The following GLIS3 variants were observed in gnomAD, a reference collection of about 807,000 sequenced individuals.
GLIS3 encodes zinc finger protein GLIS3.
A neutral mutation model predicts 78.6 loss-of-function variants in GLIS3; 53 were observed. The observed-to-expected ratio is 0.67, with a 90% CI of 0.54 to 0.85. GLIS3 has a LOEUF of 0.85. Ranked by LOEUF, GLIS3 falls within the 40% of genes least tolerant of loss-of-function variation. GLIS3 has a pLI of 0.00. For synonymous variants in GLIS3, 684 were observed against 509.9 expected (o/e 1.34, Z -4.60); for missense variants, 1,703 against 1,231.1 (o/e 1.38, Z -5.74).
intron 6 of GLIS3, among the ~76,000 whole-genome samples, chr9:3,903,055 G>C (rs1217126383): frequency 6.6e-6 from 1 of 152,166 alleles, no homozygotes; most frequent in East Asian, 1.9e-4. Flanking sequence ...ATGTTTTGTA[G>C]CTTGTTGTCA....
intron 2 of GLIS3, among the ~76,000 whole-genome samples, chr9:4,176,231 C>T (rs1284481416): frequency 6.6e-6 from 1 of 152,172 alleles, no homozygotes; most frequent in Non-Finnish European, 1.5e-5. Context: ...ACAAAAGTAA[C>T]ACACATACAA....
chr9:3,912,744 A>C (rs1824236598), intron 6 of GLIS3, among the ~76,000 whole-genome samples: 1 of 152,360 alleles, frequency 6.6e-6, no homozygotes, highest in East Asian at 1.9e-4. Flanking sequence ...TCTTAAAAGC[A>C]GAAGACTAAA....
rs558190032 is a variant in GLIS3 at position 4,167,786 on chromosome 9, A to G, written c.389-41845T>C. 2.3e-4 allele frequency among the ~76,000 whole-genome samples: 35 copies of G among 152,224 alleles called. 1 individual carries two copies. The highest frequency in any genetic ancestry group is 1.4e-3 in the Admixed American group (21 of 15,294). On this transcript the variant is annotated intron_variant, in intron 2 of 10. Coordinates refer to ENST00000381971, the MANE Select transcript of GLIS3 (RefSeq NM_001042413.2). Reference sequence around the variant, plus strand: ...TTCTGCAAATCCAACAGTAATACTTATTTTCTAACAGAGGGACTGACTGGT... The same window carrying G: ...TTCTGCAAATCCAACAGTAATACTTGTTTTCTAACAGAGGGACTGACTGGT...
At chr9:3,846,664 G>C (rs1008770125) in intron 9 of GLIS3, among the ~76,000 whole-genome samples, 3 of 152,106 alleles carry the variant, frequency 2.0e-5, no homozygotes, top group Non-Finnish European at 2.9e-5. Context: ...GGTATCTATG[G>C]GCACTGTGAA....
intron 2 of GLIS3, among the ~76,000 whole-genome samples, chr9:4,179,103 A>G (rs1359788171): frequency 1.3e-5 from 2 of 152,228 alleles, no homozygotes; most frequent in African/African-American, 2.4e-5. Flanking sequence ...CACCTTGGAC[A>G]TTGTTTCGCC....
At chr9:4,170,455 T>A (rs1816281434) in intron 2 of GLIS3, among the ~76,000 whole-genome samples, 1 of 152,132 alleles carries the variant, frequency 6.6e-6, no homozygotes, top group South Asian at 2.1e-4. Context: ...GCACACGGTG[T>A]TAGAATGCCC....
intron 4 of GLIS3, among the ~76,000 whole-genome samples, chr9:4,040,434 A>C (rs1824710832): frequency 6.6e-6 from 1 of 152,224 alleles, no homozygotes; most frequent in Non-Finnish European, 1.5e-5. Context: ...ATAACAAACT[A>C]TTACAGCGTG....
chr9:4,186,284 T>A (rs1235063266), intron 2 of GLIS3, among the ~76,000 whole-genome samples: 1 of 151,970 alleles, frequency 6.6e-6, no homozygotes, highest in Non-Finnish European at 1.5e-5. Context: ...TTACTGAGAA[T>A]GATGATTTCC....
rs531051728 is a variant in GLIS3 at position 4,263,014 on chromosome 9, T to C, written c.388+23024A>G. ...CCCCAGGGTGCCTTCAGAGAATAGT[T>C]TGGAAAAAGGCAAGGCTAGAATGTT... On this transcript the variant is annotated intron_variant, in intron 2 of 10. Transcript: ENST00000381971. Among the ~76,000 whole-genome samples, 3 of 152,220 alleles carry C rather than the reference T, an allele frequency of 2.0e-5. No homozygotes were observed. In the South Asian group the frequency reaches 6.2e-4, roughly 32 times the overall value.
chr9:4,357,849 GT>G, the GLIS3 span, among the ~76,000 whole-genome samples: 1 of 152,186 alleles, frequency 6.6e-6, no homozygotes, highest in Non-Finnish European at 1.5e-5. Context: ...CATTGAATCT[GT>G]GTCAATGGTG....
In GLIS3 at chr9:4,195,110, G is replaced by T. The variant is rs549473191; in HGVS notation, c.389-69169C>A. ...CCCCAACTGCAAGCCAGGGGCAGGA[G>T]AAGAGCTCCTCCAACTGAGAGGTGA... On this transcript the variant is annotated intron_variant, in intron 2 of 10. Coordinates refer to ENST00000381971, the MANE Select transcript of GLIS3 (RefSeq NM_001042413.2). Among the ~76,000 whole-genome samples, 8 of 152,372 alleles carry T rather than the reference G, an allele frequency of 5.3e-5. No homozygotes were observed. The South Asian group carries it at 1.2e-3, about 24-fold the overall frequency.
Position 4,117,562 on chromosome 9 carries a change from T to C in GLIS3, c.1710+206A>G, listed in dbSNP as rs147614829. 4.7e-4 allele frequency among the ~76,000 whole-genome samples: 71 copies of C among 152,262 alleles called. 1 individual carries two copies. The East Asian group carries it at 0.013, about 29-fold the overall frequency. ...TGATCACCTGCTGGGATGGATCGTG[T>C]ACCTTTGCAGAAGGAAATATAGCAA... On this transcript the variant is annotated intron_variant, in intron 4 of 10. Coordinates refer to ENST00000381971, the MANE Select transcript of GLIS3 (RefSeq NM_001042413.2).
At position 4,118,272 on chromosome 9, in the gene GLIS3, G is replaced by T. The variant is rs1007576859; in HGVS notation, c.1206C>A (p.Gly402=). The change falls in exon 4 of 11, where the codon GGC becomes GGA. Residue 402 remains glycine (G), a synonymous_variant. Coordinates refer to ENST00000381971, the MANE Select transcript of GLIS3 (RefSeq NM_001042413.2). This position sits in a 1 kb window ranked among gnomAD's most constrained non-coding sequence, Gnocchi z 4.7. Reference sequence around the variant, plus strand: ...TGTGGTTGACCAGGCCTGGCTGCAGGCCGCCGTGCTCCAGCTGTTGCATGC... The same window carrying T: ...TGTGGTTGACCAGGCCTGGCTGCAGTCCGCCGTGCTCCAGCTGTTGCATGC... ...HERMQQLEHG[G]LQPGLVNHMV... 6.3e-7 allele frequency: 1 copy of T among 1,586,220 alleles called. No individual in the cohort carries two copies. The highest frequency in any genetic ancestry group is 8.6e-7 in the Non-Finnish European group (1 of 1,167,268).
chr9:3,969,673 C>A (rs765345083), intron 4 of GLIS3, among the ~76,000 whole-genome samples: 1 of 152,206 alleles, frequency 6.6e-6, no homozygotes, highest in Non-Finnish European at 1.5e-5. Flanking sequence ...CAACCAAATA[C>A]AGCCACTGTG....
Position 4,047,820 on chromosome 9 carries a change from T to A in GLIS3, c.1710+69948A>T, listed in dbSNP as rs557810895. On this transcript the variant is annotated intron_variant, in intron 4 of 10. Coordinates refer to ENST00000381971, the MANE Select transcript of GLIS3 (RefSeq NM_001042413.2). ...GTTATGGCTCCAAAGCCAACATTCC[T>A]GACCTCTCTGTCTGCTTTTTCGGTT... Among the ~76,000 whole-genome samples, 10 of 152,330 alleles carry A rather than the reference T, an allele frequency of 6.6e-5. No individual in the cohort carries two copies. The East Asian group carries it at 1.7e-3, about 26-fold the overall frequency.
chr9:4,263,648 G>C (rs551886659), intron 2 of GLIS3, among the ~76,000 whole-genome samples: 2 of 152,296 alleles, frequency 1.3e-5, no homozygotes, highest in Admixed American at 6.5e-5. Context: ...GAAAAAGCCA[G>C]CCACAACATG....
At chr9:4,033,864 T>TAAAAAAAA (rs34745570) in intron 4 of GLIS3, among the ~76,000 whole-genome samples, 4 of 67,998 alleles carry the variant, frequency 5.9e-5, no homozygotes, top group African/African-American at 1.2e-4. Context: ...AGGCGAAGGA[T>TAAAAAAAA]AAAAAAAAAA....
chr9:4,486,706 T>C, the GLIS3 span, among the ~76,000 whole-genome samples: 17 of 152,260 alleles, frequency 1.1e-4, no homozygotes, highest in South Asian at 1.9e-3. Flanking sequence ...GAAAGTGCAA[T>C]GGGTGATGTA....
At chr9:3,858,318 A>C (rs1819922869) in intron 8 of GLIS3, among the ~76,000 whole-genome samples, 1 of 152,176 alleles carries the variant, frequency 6.6e-6, no homozygotes, top group African/African-American at 2.4e-5. Flanking sequence ...ATTCTATATA[A>C]TTATATGCTG....
Sources: gnomAD v4.1 joint callset for allele counts (sites outside exome capture counted in the v4.1 genomes callset) on GRCh38, gnomAD v4.1.1 for gene constraint, Gnocchi (gnomAD v3.1) non-coding constraint, MANE v1.5 for transcripts, NCBI Gene and HGNC (gene_info 2026-07-23, HGNC 2026-07-21) for gene names.